Variants in SQSTM1 observed in about 807,000 individuals in gnomAD.
SQSTM1 encodes the protein sequestosome-1.
In SQSTM1, 36 loss-of-function variants were observed where a neutral mutation model predicts 45.1. That is an observed-to-expected ratio of 0.80 (90% CI 0.61 to 1.05). The LOEUF (loss-of-function observed/expected upper bound fraction) is 1.05, where lower values mean the gene tolerates loss of function less well. Among genes scored for constraint, SQSTM1 ranks in the 50% least tolerant of loss-of-function variants. The pLI, the probability that SQSTM1 is intolerant of heterozygous loss-of-function variation, is 0.00. For synonymous variants in SQSTM1, 290 were observed against 244.3 expected (o/e 1.19, Z -1.74); for missense variants, 617 against 607.1 (o/e 1.02, Z -0.17).
rs1253593077 is a variant in SQSTM1 at position 179,824,259 on chromosome 5, A to G, written c.609A>G (p.Pro203=). Residue 203 remains proline, a synonymous_variant, in exon 4 of 8, where the codon CCA becomes CCG. Transcript: ENST00000389805. ...FGWPGWEMGP[P]GNWSPRPPRA... ...GGCCAGGATGGGAAATGGGTCCACC[A>G]GGAAACTGGAGCCCACGTCCTCCTC... 1 of 1,613,834 alleles carries G rather than the reference A, an allele frequency of 6.2e-7. No homozygotes were observed. Among genetic ancestry groups the G allele is most frequent in the Non-Finnish European group, 8.5e-7 (1 of 1,180,026 alleles).
chr5:179,836,522 C>T lies in SQSTM1; in HGVS notation c.1252C>T (p.Gln418Ter). 1 of 1,614,212 alleles carries T rather than the reference C, an allele frequency of 6.2e-7. No individual in the cohort carries two copies. The highest frequency in any genetic ancestry group is 1.3e-5 in the African/African-American group (1 of 75,044). Residue 418 changes from glutamine to a stop codon, truncating the protein, a stop_gained, in exon 8 of 8, where the codon CAG becomes TAG. Transcript: ENST00000389805. LOFTEE classifies it high-confidence loss of function. ...DEGGWLTRLLQTKNYDIGAAL... is the reference protein window; with the variant it reads ...DEGGWLTRLL ...AGGCGGCTGGCTCACCAGGCTCCTG[C>T]AGACCAAGAACTATGACATCGGAGC...
intron 4 of SQSTM1, 59 bp downstream of exon 4, chr5:179,824,382 C>G (rs1472890444): frequency 7.4e-6 from 12 of 1,611,816 alleles, no homozygotes; most frequent in African/African-American, 1.3e-5. Context: ...AGCCTGTGTG[C>G]AGGGCCCTTG....
At position 179,836,632 on chromosome 5, in the gene SQSTM1, C is replaced by G. The variant is rs376209849; in HGVS notation, c.*39C>G. On this transcript the variant is annotated 3_prime_UTR_variant, in exon 8 of 8. Coordinates refer to ENST00000389805, the MANE Select transcript of SQSTM1 (RefSeq NM_003900.5). ...CCTCTTCTGCGTGCCCCTCTTCTGT[C>G]TCATAGTTGTGTTAAGCTTGCGTAG... 48 of 1,613,830 alleles carry G rather than the reference C, an allele frequency of 3.0e-5. No homozygotes were observed. The highest frequency in any genetic ancestry group is 3.8e-5 in the Non-Finnish European group (45 of 1,179,890).
chr5:179,829,948 A>G (rs537317632), intron 5 of SQSTM1, among the ~76,000 whole-genome samples: 1 of 152,142 alleles, frequency 6.6e-6, no homozygotes, highest in Non-Finnish European at 1.5e-5. Context: ...CGTGTCTACA[A>G]ACACTATGAA....
chr5:179,826,602 T>TTG (rs1313378479), intron 5 of SQSTM1, among the ~76,000 whole-genome samples: 2 of 151,224 alleles, frequency 1.3e-5, no homozygotes, highest in Admixed American at 1.3e-4. Flanking sequence ...TAGTCTGTTT[T>TTG]TTTTTTTTTT....
Position 179,806,663 on chromosome 5 carries a change from A to AGGCGGCGGCGGCGGC in SQSTM1, c.-157+76_-157+90dup, listed in dbSNP as rs561073025. 1 of 582,196 alleles carries AGGCGGCGGCGGCGGC rather than the reference A, an allele frequency of 1.7e-6. No individual in the cohort carries two copies. Among genetic ancestry groups the AGGCGGCGGCGGCGGC allele is most frequent in the Admixed American group, 7.1e-5 (1 of 14,024 alleles). The allele number at this position is 582,196 out of a possible 1,614,324, so 36.1% of individuals were successfully genotyped here. A position where few individuals can be genotyped will look rare whatever the true frequency, so the allele number is the denominator to read the frequency against. On this transcript the variant is annotated intron_variant, in intron 1 of 5. Transcript: ENST00000514093. This position sits in a 1 kb window ranked among gnomAD's most constrained non-coding sequence, Gnocchi z 4.6. ...CCGGGGCCGGGGCGCAGGGGTCGGA[A>AGGCGGCGGCGGCGGC]GGCGGCGGCGGCGGCGGCAGGGGCC...
intron 5 of SQSTM1, among the ~76,000 whole-genome samples, chr5:179,826,025 G>A (rs1018064256): frequency 6.6e-6 from 1 of 152,252 alleles, no homozygotes; most frequent in South Asian, 2.1e-4. Flanking sequence ...TGACTGCAGT[G>A]GCAGGCTGTG....
intron 7 of SQSTM1, among the ~76,000 whole-genome samples, chr5:179,834,603 G>T (rs376624339): frequency 1.7e-3 from 256 of 151,848 alleles, no homozygotes; most frequent in South Asian, 9.8e-3. Context: ...AGATTAGGGA[G>T]TGGTGATGAC....
chr5:179,825,160 G>A lies in SQSTM1; in HGVS notation c.688G>A (p.Glu230Lys). 1.2e-6 allele frequency: 2 copies of A among 1,614,084 alleles called. No homozygotes were observed. Among genetic ancestry groups the A allele is most frequent in the Non-Finnish European group, 1.7e-6 (2 of 1,180,026 alleles). ...PTAESASGPS[E>K]DPSVNFLKNV... Reference sequence around the variant, plus strand: ...AAAAATCAAAGCTTCTGGTCCATCGGAGGATCCGAGTGTGAATTTCCTGAA... The same window carrying A: ...AAAAATCAAAGCTTCTGGTCCATCGAAGGATCCGAGTGTGAATTTCCTGAA... Residue 230 changes from glutamate to lysine, a missense_variant, in exon 5 of 8, where the codon GAG becomes AAG. Coordinates refer to ENST00000389805, the MANE Select transcript of SQSTM1 (RefSeq NM_003900.5).
upstream of SQSTM1, among the ~76,000 whole-genome samples, chr5:179,814,907 G>A (rs540032187): frequency 2.0e-5 from 3 of 152,322 alleles, no homozygotes; most frequent in South Asian, 6.2e-4. Flanking sequence ...GGGGACCAAA[G>A]TGAGACCTTG....
At chr5:179,832,534 C>T (rs1389701321) in intron 5 of SQSTM1, among the ~76,000 whole-genome samples, 1 of 152,208 alleles carries the variant, frequency 6.6e-6, no homozygotes. Flanking sequence ...GGCCTTCCAT[C>T]ACTGTGGCTG....
upstream of SQSTM1, among the ~76,000 whole-genome samples, chr5:179,817,450 C>T (rs1298189417): frequency 6.6e-6 from 1 of 152,230 alleles, no homozygotes; most frequent in Non-Finnish European, 1.5e-5. Context: ...TCGCCCCCGT[C>T]CCGAGGCAGG....
At chr5:179,825,771 G>A (rs1456319463) in intron 5 of SQSTM1, among the ~76,000 whole-genome samples, 1 of 152,154 alleles carries the variant, frequency 6.6e-6, no homozygotes, top group East Asian at 1.9e-4. Context: ...GGTCTGTGGG[G>A]TGGGTGAAGG....
intron 2 of SQSTM1, chr5:179,823,540 G>A: frequency 2.1e-6 from 1 of 465,690 alleles, no homozygotes; most frequent in Non-Finnish European, 3.9e-6. Context: ...TCTAGGGATG[G>A]GGTCTGGTGC....
chr5:179,818,498 A>AG (rs915555552), upstream of SQSTM1, among the ~76,000 whole-genome samples: 4 of 152,098 alleles, frequency 2.6e-5, no homozygotes, highest in African/African-American at 4.8e-5. Flanking sequence ...ATTATTTGGG[A>AG]GGGGGGAAGG....
intron 5 of SQSTM1, among the ~76,000 whole-genome samples, chr5:179,831,809 G>C (rs1352732300): frequency 1.3e-5 from 2 of 150,666 alleles, no homozygotes; most frequent in Non-Finnish European, 3.0e-5. Context: ...TTTTGAGATG[G>C]AGTCTTGCTC....
intron 1 of SQSTM1, chr5:179,807,945 A>T (rs1757252271): frequency 6.6e-6 from 1 of 152,320 alleles, no homozygotes; most frequent in African/African-American, 2.4e-5. Flanking sequence ...GCCACCACGC[A>T]CGGCCCATTT....
chr5:179,807,965 T>C (rs1466813493), intron 1 of SQSTM1: 1 of 152,300 alleles, frequency 6.6e-6, no homozygotes, highest in African/African-American at 2.4e-5. Flanking sequence ...TGCGTTCTAA[T>C]TTCAGGCGTT....
chr5:179,833,298 G>C, intron 6 of SQSTM1, 52 bp downstream of exon 6: 1 of 1,501,456 alleles, frequency 6.7e-7, no homozygotes, highest in Non-Finnish European at 9.0e-7. Flanking sequence ...CTAGTGATCT[G>C]TGGCCTGCAC....
Sources: gnomAD v4.1 joint callset for allele counts (sites outside exome capture counted in the v4.1 genomes callset) on GRCh38, gnomAD v4.1.1 for gene constraint, Gnocchi (gnomAD v3.1) non-coding constraint, MANE v1.5 for transcripts, NCBI Gene and HGNC (gene_info 2026-07-23, HGNC 2026-07-21) for gene names.